GNG7: variants seen among roughly 807,000 people sequenced by gnomAD.
The protein encoded by GNG7 is guanine nucleotide-binding protein G(I)/G(S)/G(O) subunit gamma-7.
A neutral mutation model predicts 4.0 loss-of-function variants in GNG7; 1 was observed. That is an observed-to-expected ratio of 0.25 (90% CI 0.09 to 1.18). The LOEUF is 1.18. Ranked by LOEUF, GNG7 falls within the 50% of genes most tolerant of loss-of-function variation. GNG7 has a pLI of 0.50. For missense variants in GNG7, 86 were observed against 91.9 expected, an observed-to-expected ratio of 0.94 and a Z score of 0.26; for synonymous variants, 34 against 36.9, an observed-to-expected ratio of 0.92 and a Z score of 0.29.
Position 2,643,028 on chromosome 19 carries a change from T to C in GNG7, c.-78+3196A>G, listed in dbSNP as rs752420571. 6.7e-6 allele frequency: 3 copies of C among 449,944 alleles called. No homozygotes were observed. The East Asian group carries it at 2.2e-4, about 33-fold the overall frequency. 27.9% of individuals were successfully genotyped at this position (449,944 alleles called of 1,614,324 possible). The stretch of plus-strand genomic sequence containing the variant: ...CTACACACCTTCCCGCCCTGCACCA[T>C]GTGCACCAGAAATGCAAAGTCTGAG... On this transcript the variant is annotated intron_variant, in intron 2 of 4. Coordinates refer to ENST00000382159, the MANE Select transcript of GNG7 (RefSeq NM_052847.3).
chr19:2,697,951 A>G (rs556122660), intron 1 of GNG7, among the ~76,000 whole-genome samples: 4 of 151,280 alleles, frequency 2.6e-5, no homozygotes, highest in Non-Finnish European at 5.9e-5. Context: ...CAGCCTGGGC[A>G]ATGAACGAGA....
intron 4 of GNG7, among the ~76,000 whole-genome samples, chr19:2,519,613 T>TG (rs1038540117): frequency 4.6e-5 from 7 of 151,134 alleles, no homozygotes; most frequent in Admixed American, 4.6e-4. Flanking sequence ...TTTTTTTTTT[T>TG]GATGTGATTC....
intron 2 of GNG7, among the ~76,000 whole-genome samples, chr19:2,576,761 C>G (rs1258168149): frequency 2.0e-5 from 3 of 151,988 alleles, no homozygotes; most frequent in African/African-American, 7.3e-5. Flanking sequence ...GTTGCCCAGG[C>G]TGGTCTCAAA....
chr19:2,670,913 T>C (rs1243606356), intron 1 of GNG7, among the ~76,000 whole-genome samples: 1 of 151,970 alleles, frequency 6.6e-6, no homozygotes, highest in Non-Finnish European at 1.5e-5. Context: ...CCTGCTGAGG[T>C]CCCAGGAGGC....
In GNG7 at chr19:2,557,587, A is replaced by C. The variant is rs904543908; in HGVS notation, c.-77-2399T>G. 6.6e-6 allele frequency among the ~76,000 whole-genome samples: 1 copy of C among 150,822 alleles called. No homozygotes were observed. Among genetic ancestry groups the C allele is most frequent in the Non-Finnish European group, 1.5e-5 (1 of 67,834 alleles). On this transcript the variant is annotated intron_variant, in intron 2 of 4. Coordinates refer to ENST00000382159, the MANE Select transcript of GNG7 (RefSeq NM_052847.3). This position sits in a 1 kb window ranked among gnomAD's most constrained non-coding sequence, Gnocchi z 5.1. ...ACCGTTTCAGGACCGTGATAGAGAA[A>C]GACGGGAAGTTAGACTTCTGACCCA...
chr19:2,631,373 G>T (rs1387796414), intron 2 of GNG7, among the ~76,000 whole-genome samples: 1 of 152,186 alleles, frequency 6.6e-6, no homozygotes, highest in African/African-American at 2.4e-5. Flanking sequence ...CTTTCCTCAC[G>T]AGTGGTTATG....
At chr19:2,680,760 G>C (rs962572204) in intron 1 of GNG7, among the ~76,000 whole-genome samples, 12 of 151,756 alleles carry the variant, frequency 7.9e-5, no homozygotes, top group African/African-American at 2.9e-4. Context: ...TTTTAGTAGA[G>C]GCGGGGTTTC....
At chr19:2,671,103 G>A (rs77168875) in intron 1 of GNG7, among the ~76,000 whole-genome samples, 11,605 of 150,564 alleles carry the variant, frequency 0.077, 927 homozygotes, top group African/African-American at 0.2. Flanking sequence ...AGGATGGATC[G>A]TTCTCTGTGG....
intron 3 of GNG7, among the ~76,000 whole-genome samples, chr19:2,520,936 G>A (rs1332106636): frequency 6.6e-6 from 1 of 152,148 alleles, no homozygotes; most frequent in Admixed American, 6.5e-5. Context: ...AATCCTCTGT[G>A]GGAGTTTGCA....
intron 3 of GNG7, among the ~76,000 whole-genome samples, chr19:2,548,324 A>C (rs1979194220): frequency 1.3e-5 from 2 of 149,406 alleles, no homozygotes; most frequent in African/African-American, 2.5e-5. Context: ...ACTAAAATAC[A>C]AAAGAAATTT....
chr19:2,601,776 G>A (rs1429606466), intron 2 of GNG7, among the ~76,000 whole-genome samples: 1 of 151,924 alleles, frequency 6.6e-6, no homozygotes, highest in Non-Finnish European at 1.5e-5. Flanking sequence ...GCATGGTGGT[G>A]TGAGCCTGTA....
intron 3 of GNG7, among the ~76,000 whole-genome samples, chr19:2,543,575 G>A (rs1036872449): frequency 3.9e-5 from 6 of 152,008 alleles, no homozygotes; most frequent in Non-Finnish European, 8.8e-5. Context: ...ATTAAAACCC[G>A]TGCAGAGGGT....
intron 2 of GNG7, among the ~76,000 whole-genome samples, chr19:2,568,254 T>A (rs1023089014): frequency 5.0e-5 from 7 of 140,068 alleles, no homozygotes; most frequent in Non-Finnish European, 1.1e-4. Flanking sequence ...CATATAGACA[T>A]ACACACATAT....
intron 2 of GNG7, among the ~76,000 whole-genome samples, chr19:2,559,803 TGC>T (rs1979683509): frequency 9.9e-6 from 1 of 101,374 alleles, no homozygotes; most frequent in African/African-American, 4.2e-5. Flanking sequence ...TGAGCCACCG[TGC>T]CTGGCTCAAA....
intron 1 of GNG7, among the ~76,000 whole-genome samples, chr19:2,692,651 A>G (rs1343382394): frequency 1.4e-5 from 2 of 146,196 alleles, no homozygotes; most frequent in Non-Finnish European, 3.0e-5. Context: ...AAAAAAAAAG[A>G]AGGCCAGGGG....
chr19:2,589,842 C>T (rs747561490), intron 2 of GNG7, among the ~76,000 whole-genome samples: 2 of 152,164 alleles, frequency 1.3e-5, no homozygotes, highest in East Asian at 3.9e-4. Flanking sequence ...AGGCCAGTCT[C>T]GCTCTGTCGC....
chr19:2,582,004 T>C (rs866073376), intron 2 of GNG7, among the ~76,000 whole-genome samples: 1 of 151,956 alleles, frequency 6.6e-6, no homozygotes, highest in Non-Finnish European at 1.5e-5. Context: ...ATCACCAAAG[T>C]GAAAAAGCAA....
chr19:2,654,249 G>A (rs776113259), intron 1 of GNG7, among the ~76,000 whole-genome samples: 1 of 152,136 alleles, frequency 6.6e-6, no homozygotes, highest in South Asian at 2.1e-4. Flanking sequence ...CTCCCCTCCC[G>A]CTTCATGACA....
intron 3 of GNG7, among the ~76,000 whole-genome samples, chr19:2,551,590 C>CAAATATGTATTTATAAATATGT (rs1568240124): frequency 8.2e-6 from 1 of 122,574 alleles, no homozygotes; most frequent in Non-Finnish European, 1.7e-5. Context: ...TATAAATATG[C>CAAATATGTATTTATAAATATGT]ATTTATAAAT....
Sources: gnomAD v4.1 joint callset for allele counts (sites outside exome capture counted in the v4.1 genomes callset) on GRCh38, gnomAD v4.1.1 for gene constraint, Gnocchi (gnomAD v3.1) non-coding constraint, MANE v1.5 for transcripts, NCBI Gene and HGNC (gene_info 2026-07-23, HGNC 2026-07-21) for gene names.